Variants in ARFGEF1 observed in about 807,000 individuals in gnomAD.
ARFGEF1 encodes the protein ARF guanine nucleotide exchange factor 1, also known as brefeldin A-inhibited guanine nucleotide-exchange protein 1.
In ARFGEF1, 42 loss-of-function variants were observed where a neutral mutation model predicts 231.0. The ratio of observed to expected loss-of-function variants is 0.18; its 90% CI spans 0.14 to 0.24. The LOEUF is 0.24. ARFGEF1 is among the 10% of genes least tolerant of loss of function. The probability of loss-of-function intolerance (pLI) is 1.00; values close to 1 mark genes in which losing one functional copy is unlikely to be tolerated. For synonymous variants in ARFGEF1, 710 were observed against 732.3 expected, an observed-to-expected ratio of 0.97 and a Z score of 0.49; for missense variants, 1,345 against 2,192.0, an observed-to-expected ratio of 0.61 and a Z score of 7.72.
At chr8:67,187,707 C>A (rs770485148) in intron 5 of ARFGEF1, among the ~76,000 whole-genome samples, 2 of 152,028 alleles carry the variant, frequency 1.3e-5, no homozygotes, top group African/African-American at 4.8e-5. Context: ...AATAGACTCA[C>A]GCAAATACAG....
At chr8:67,265,530 C>T (rs1311612042) in intron 14 of ARFGEF1, among the ~76,000 whole-genome samples, 1 of 152,016 alleles carries the variant, frequency 6.6e-6, no homozygotes, top group Admixed American at 6.6e-5. Context: ...GATTAGGATC[C>T]GGTACACTAG....
At chr8:67,283,703 A>G (rs896593889) in intron 7 of ARFGEF1, among the ~76,000 whole-genome samples, 2 of 152,188 alleles carry the variant, frequency 1.3e-5, no homozygotes, top group Admixed American at 1.3e-4. Context: ...TAAATGACTC[A>G]CTAAAAGATA....
chr8:67,228,260 A>C lies in ARFGEF1; in HGVS notation c.3385T>G (p.Phe1129Val). Residue 1129 changes from phenylalanine to valine, a missense_variant, in exon 24 of 39, where the codon TTC becomes GTC. Phe to Val is a conservative substitution (Grantham distance 50, BLOSUM62 -1). This residue lies in a region of ARFGEF1 where 146 missense variants were observed against 321.4 expected (regional missense o/e 0.45). Transcript: ENST00000262215. ...QSVVVAVDRI[F>V]TGSTRLDGNA... ...CCATCTAGCCTTGTAGATCCTGTGA[A>C]TATTCTAGGGAAAATAAAACACAAT... 1 of 1,608,030 alleles carries C rather than the reference A, an allele frequency of 6.2e-7. No homozygotes were observed. Among genetic ancestry groups the C allele is most frequent in the Non-Finnish European group, 8.5e-7 (1 of 1,176,194 alleles).
At chr8:67,227,833 G>T in intron 25 of ARFGEF1, 130 bp downstream of exon 25, 1 of 879,952 alleles carries the variant, frequency 1.1e-6, no homozygotes, top group Non-Finnish European at 1.6e-6. Context: ...CATTCACAGG[G>T]TTTTCTAATT....
At chr8:67,343,098 C>T (rs1373582574) in intron 1 of ARFGEF1, 66 bp downstream of exon 1, 2 of 537,994 alleles carry the variant, frequency 3.7e-6, no homozygotes, top group Admixed American at 3.6e-5. Context: ...ACCCCACCCC[C>T]CCACAGGCGC....
At chr8:67,301,523 A>G (rs1194361044) in intron 2 of ARFGEF1, 143 bp from the exon 3 acceptor site, 1 of 857,564 alleles carries the variant, frequency 1.2e-6, no homozygotes, top group East Asian at 2.9e-5. Flanking sequence ...GAGGAAACCC[A>G]AGCCCAGAGA....
intron 5 of ARFGEF1, among the ~76,000 whole-genome samples, chr8:67,175,779 G>A (rs1029277309): frequency 3.9e-5 from 6 of 152,162 alleles, no homozygotes; most frequent in Admixed American, 1.3e-4. Context: ...ATGATGTGTC[G>A]GGCATTTGCC....
intron 33 of ARFGEF1, among the ~76,000 whole-genome samples, chr8:67,212,655 G>A (rs755475424): frequency 1.3e-5 from 2 of 152,182 alleles, no homozygotes; most frequent in Non-Finnish European, 2.9e-5. Flanking sequence ...TTATTCTGAC[G>A]TAACAGTCCC....
At chr8:67,206,699 G>A (rs116230882) in intron 34 of ARFGEF1, among the ~76,000 whole-genome samples, 2,472 of 152,244 alleles carry the variant, frequency 0.016, 69 homozygotes, top group African/African-American at 0.057. Context: ...CTGCTGCCAC[G>A]CAGCCCAGGG....
At chr8:67,178,740 C>T (rs1322170847) in intron 5 of ARFGEF1, among the ~76,000 whole-genome samples, 1 of 151,928 alleles carries the variant, frequency 6.6e-6, no homozygotes, top group Non-Finnish European at 1.5e-5. Context: ...TGGCCTAGTG[C>T]ATGTAAGGAG....
intron 1 of ARFGEF1, among the ~76,000 whole-genome samples, chr8:67,315,711 C>T (rs534745388): frequency 1.3e-5 from 2 of 152,118 alleles, no homozygotes; most frequent in African/African-American, 4.8e-5. Flanking sequence ...GGAAATTAAA[C>T]AACACACTTC....
Position 67,277,305 on chromosome 8 carries a change from A to C in ARFGEF1, c.1180T>G (p.Ser394Ala). 1 of 1,613,582 alleles carries C rather than the reference A, an allele frequency of 6.2e-7. No individual in the cohort carries two copies. The change falls in exon 8 of 39, where the codon TCA becomes GCA. Residue 394 changes from serine (S) to alanine (A), a missense_variant. This residue lies in a region of ARFGEF1 where 141 missense variants were observed against 259.9 expected (regional missense o/e 0.54). Coordinates refer to ENST00000262215, the MANE Select transcript of ARFGEF1 (RefSeq NM_006421.5). ...YTPSLPDDRL[S>A]VSSNDTQESG... The stretch of plus-strand genomic sequence containing the variant: ...ACCTGAGTATCATTGGAAGAGACTG[A>C]CAATCTATCATCAGGTAAGGATGGT...
intron 5 of ARFGEF1, among the ~76,000 whole-genome samples, chr8:67,293,109 A>C (rs1446268065): frequency 6.6e-6 from 1 of 152,138 alleles, no homozygotes; most frequent in Non-Finnish European, 1.5e-5. Context: ...ATTTTAGCAA[A>C]TGTGGAAGTT....
intron 26 of ARFGEF1, 61 bp from the exon 27 acceptor site, chr8:67,227,370 CCT>C (rs1443689029): frequency 6.3e-7 from 1 of 1,596,426 alleles, no homozygotes; most frequent in African/African-American, 1.3e-5. Context: ...AGTTTTTCCC[CCT>C]TTCTTCTGTT....
intron 34 of ARFGEF1, among the ~76,000 whole-genome samples, chr8:67,206,235 C>G (rs894598274): frequency 2.0e-5 from 3 of 151,906 alleles, no homozygotes; most frequent in Admixed American, 2.0e-4. Flanking sequence ...CATGGTGAAA[C>G]CCCATCTCTA....
intron 2 of ARFGEF1, among the ~76,000 whole-genome samples, chr8:67,301,711 ATGGCCTTTCTATT>A (rs1806498658): frequency 6.6e-6 from 1 of 152,162 alleles, no homozygotes; most frequent in South Asian, 2.1e-4. Context: ...TTAAAAAGCA[ATGGCCTTTCTATT>A]TGTCCTTAAG....
At chr8:67,337,446 C>T (rs577298331) in intron 1 of ARFGEF1, among the ~76,000 whole-genome samples, 2 of 152,198 alleles carry the variant, frequency 1.3e-5, no homozygotes, top group South Asian at 4.1e-4. Context: ...CAAATGCACA[C>T]AATTATCACC....
At chr8:67,320,495 C>G (rs1807535969) in intron 1 of ARFGEF1, among the ~76,000 whole-genome samples, 1 of 152,108 alleles carries the variant, frequency 6.6e-6, no homozygotes, top group Non-Finnish European at 1.5e-5. Flanking sequence ...CCAGCAGTCC[C>G]ACTCCTGGGT....
intron 7 of ARFGEF1, among the ~76,000 whole-genome samples, chr8:67,281,768 T>G (rs1361550748): frequency 6.6e-6 from 1 of 151,910 alleles, no homozygotes; most frequent in Non-Finnish European, 1.5e-5. Flanking sequence ...AAACAAGAAT[T>G]TTTCTATATT....
Sources: gnomAD v4.1 joint callset for allele counts (sites outside exome capture counted in the v4.1 genomes callset) on GRCh38, gnomAD v4.1.1 for gene constraint, gnomAD v4.1.1 regional missense constraint, MANE v1.5 for transcripts, NCBI Gene and HGNC (gene_info 2026-07-23, HGNC 2026-07-21) for gene names.